Variants in PODXL observed in about 807,000 individuals in gnomAD.
The protein encoded by PODXL is podocalyxin.
PODXL carries 20 observed loss-of-function variants against 48.9 expected under a neutral mutation model. That is an observed-to-expected ratio of 0.41 (90% CI 0.29 to 0.59). PODXL has a LOEUF of 0.59. PODXL is among the 20% of genes least tolerant of loss of function. The probability of loss-of-function intolerance (pLI) is 0.31; values close to 1 mark genes in which losing one functional copy is unlikely to be tolerated. For synonymous variants in PODXL, 295 were observed against 287.4 expected, an observed-to-expected ratio of 1.03 and a Z score of -0.27; for missense variants, 606 against 675.1, an observed-to-expected ratio of 0.90 and a Z score of 1.13.
intron 1 of PODXL, among the ~76,000 whole-genome samples, chr7:131,527,900 C>CTT (rs759943507): frequency 0.1 from 11,985 of 116,378 alleles, 1,101 homozygotes; most frequent in African/African-American, 0.22. Flanking sequence ...TAGTCAGACA[C>CTT]TTTTTTTTTT....
chr7:131,512,398 C>A (rs989941768), intron 1 of PODXL, among the ~76,000 whole-genome samples: 1 of 151,980 alleles, frequency 6.6e-6, no homozygotes. Flanking sequence ...CGGGGAGGGA[C>A]CATGTCGAAT....
intron 8 of PODXL, among the ~76,000 whole-genome samples, chr7:131,505,516 G>A (rs113049225): frequency 0.11 from 17,203 of 152,006 alleles, 1,176 homozygotes; most frequent in Middle Eastern, 0.26. Flanking sequence ...GCGTGGTGGT[G>A]GGCACCTGTA....
intron 1 of PODXL, among the ~76,000 whole-genome samples, chr7:131,525,947 T>C (rs773884737): frequency 1.3e-5 from 2 of 152,180 alleles, no homozygotes; most frequent in South Asian, 2.1e-4. Flanking sequence ...CATGTTTCAA[T>C]AGACAAATAG....
chr7:131,510,825 T>TA lies in PODXL; in HGVS notation c.706+2dup, dbSNP rs1399646835. ...TGCTTGAAGAAAACCAGGCATTACT[T>TA]ACGTAGGGTGGTGGTCATCCCCGGG... On this transcript the variant is annotated splice_region_variant and intron_variant, in intron 2 of 8. Transcript: ENST00000378555. 2 of 1,614,046 alleles carry TA rather than the reference T, an allele frequency of 1.2e-6. No homozygotes were observed.
In PODXL at chr7:131,518,843, C is replaced by A. The variant is rs565014985; in HGVS notation, c.101-7410G>T. Among the ~76,000 whole-genome samples the A allele has an allele frequency of 2.0e-5, 3 of 152,312 alleles. No homozygotes were observed. The East Asian group carries it at 5.8e-4, about 29-fold the overall frequency. ...ACGCCACTTGGTCACAGATCCACAG[C>A]GCCATCATTAGGCGATGGAGAAGAA... On this transcript the variant is annotated intron_variant, in intron 1 of 8. Transcript: ENST00000378555.
In PODXL at chr7:131,535,881, C is replaced by A. The variant is rs1039197160; in HGVS notation, c.100+20379G>T. Among the ~76,000 whole-genome samples, 8 of 152,294 alleles carry A rather than the reference C, an allele frequency of 5.3e-5. 1 individual carries two copies. The highest frequency in any genetic ancestry group is 5.2e-4 in the Admixed American group (8 of 15,298). ...GGCTCAAGCAATCCTCCCACCTCAG[C>A]CTCCCGAGTAGCTAGGACTACAAGT... On this transcript the variant is annotated intron_variant, in intron 1 of 8. Transcript: ENST00000378555.
chr7:131,508,114 C>T (rs1371075553), intron 5 of PODXL, among the ~76,000 whole-genome samples: 1 of 152,216 alleles, frequency 6.6e-6, no homozygotes, highest in African/African-American at 2.4e-5. Flanking sequence ...GTGTGCACAG[C>T]GCACACTCCC....
At chr7:131,521,684 T>C (rs1056459564) in intron 1 of PODXL, among the ~76,000 whole-genome samples, 2 of 152,142 alleles carry the variant, frequency 1.3e-5, no homozygotes, top group African/African-American at 4.8e-5. Flanking sequence ...TGGGTTAGTA[T>C]GAAAATGTGA....
chr7:131,516,098 A>G (rs955852574), intron 1 of PODXL, among the ~76,000 whole-genome samples: 2 of 152,284 alleles, frequency 1.3e-5, no homozygotes, highest in Non-Finnish European at 2.9e-5. Context: ...TATGCATAGC[A>G]TAGGTTTTGG....
rs2116792963 is a variant in PODXL, at chr7:131,511,420, A to G, written c.114T>C (p.Thr38=). Residue 38 remains threonine, a synonymous_variant, in exon 2 of 9, where the codon ACT becomes ACC. Transcript: ENST00000378555. ...GTGCTGTTTTGTTAGATGAGTCCGT[A>G]GTAGTCTGGGTTGCTGTTTGTAAAG... ...PSPSQNATQT[T]TDSSNKTAPT... The G allele has an allele frequency of 6.2e-7, 1 of 1,600,864 alleles. No individual in the cohort carries two copies. The highest frequency in any genetic ancestry group is 2.2e-5 in the East Asian group (1 of 44,866).
rs1413534212 is a variant in PODXL at position 131,502,523 on chromosome 7, AAAGT to A, written c.*1784_*1787del. On this transcript the variant is annotated 3_prime_UTR_variant, in exon 9 of 9. Transcript: ENST00000378555. The stretch of plus-strand genomic sequence containing the variant: ...CCAGCCCCTCCCCCTACCCTTTTAA[AAAGT>A]AAGCCATCCCGAGTGGATAGCCTAT... 2 of 152,184 alleles carry A rather than the reference AAAGT, an allele frequency of 1.3e-5. No individual in the cohort carries two copies. Among genetic ancestry groups the A allele is most frequent in the African/African-American group, 2.4e-5 (1 of 41,424 alleles). The allele number at this position is 152,184 out of a possible 1,614,324, so 9.4% of individuals were successfully genotyped here.
intron 1 of PODXL, among the ~76,000 whole-genome samples, chr7:131,545,624 C>T (rs935568328): frequency 2.6e-5 from 4 of 152,018 alleles, no homozygotes; most frequent in South Asian, 2.1e-4. Context: ...AAATCTAGAT[C>T]GATGTTCTAC....
intron 3 of PODXL, 28 bp downstream of exon 3, chr7:131,510,207 AG>A (rs1276922086): frequency 2.2e-6 from 1 of 447,334 alleles, no homozygotes; most frequent in East Asian, 7.4e-5. Context: ...GTAAGTAAAC[AG>A]GTATCGGCCG....
rs371925621 is a variant in PODXL, at chr7:131,551,718, T to C, written c.100+4542A>G. Among the ~76,000 whole-genome samples, 684 of 151,392 alleles carry C rather than the reference T, an allele frequency of 4.5e-3. 3 individuals carry two copies. The highest frequency in any genetic ancestry group is 0.016 in the African/African-American group (647 of 41,196). ...TTGGGAGGCTGAGGCGGGCGGATCA[T>C]GAGGTCAGGAGATCGAGACCTTCCT... On this transcript the variant is annotated intron_variant, in intron 1 of 8. Coordinates refer to ENST00000378555, the MANE Select transcript of PODXL (RefSeq NM_001018111.3).
At position 131,509,017 on chromosome 7, in the gene PODXL, C is replaced by T; in HGVS notation, c.1035G>A (p.Glu345=). ...VAHESNWAKC[E]DLETQTQSEK... The stretch of plus-strand genomic sequence containing the variant: ...CACTCTGTGTCTGTGTCTCAAGATC[C>T]TCACACTTTGCCTGGAAGAAGCCAC... Residue 345 remains glutamate, a synonymous_variant, in exon 5 of 9, where the codon GAG becomes GAA. Coordinates refer to ENST00000378555, the MANE Select transcript of PODXL (RefSeq NM_001018111.3). 1 of 1,613,834 alleles carries T rather than the reference C, an allele frequency of 6.2e-7. No individual in the cohort carries two copies.
chr7:131,520,870 A>G (rs1371278989), intron 1 of PODXL, among the ~76,000 whole-genome samples: 1 of 152,248 alleles, frequency 6.6e-6, no homozygotes, highest in Non-Finnish European at 1.5e-5. Context: ...CTCTGACTAC[A>G]AGAAAAAAGC....
chr7:131,505,188 G>A (rs1797777656), intron 8 of PODXL, among the ~76,000 whole-genome samples: 2 of 152,180 alleles, frequency 1.3e-5, no homozygotes, highest in Non-Finnish European at 2.9e-5. Context: ...AGTAAGGTAG[G>A]CAGAAGAATT....
At chr7:131,520,180 C>T (rs1584815775) in intron 1 of PODXL, 1 of 282,594 alleles carries the variant, frequency 3.5e-6, no homozygotes, top group Non-Finnish European at 7.0e-6. Context: ...GGCCGTTCTA[C>T]CATCAACGAG....
chr7:131,536,508 C>G, intron 1 of PODXL, among the ~76,000 whole-genome samples: 1 of 152,178 alleles, frequency 6.6e-6, no homozygotes, highest in East Asian at 1.9e-4. Flanking sequence ...GTGCTTACAC[C>G]CTCGGGCCAG....
Sources: allele counts gnomAD v4.1 joint callset (sites outside exome capture counted in the v4.1 genomes callset), GRCh38; gene constraint gnomAD v4.1.1; transcripts MANE v1.5; gene names NCBI Gene and HGNC (gene_info 2026-07-23, HGNC 2026-07-21).